Variants in MSRA observed in about 807,000 individuals in gnomAD.
MSRA encodes mitochondrial peptide methionine sulfoxide reductase.
A neutral mutation model predicts 31.3 loss-of-function variants in MSRA; 54 were observed. The ratio of observed to expected loss-of-function variants is 1.73; its 90% CI spans 1.39 to 2.17. The LOEUF (loss-of-function observed/expected upper bound fraction) is 2.17. Among genes scored for constraint, MSRA ranks in the 30% most tolerant of loss-of-function variants. The pLI, the probability that MSRA is intolerant of heterozygous loss-of-function variation, is 0.00. For synonymous variants in MSRA, 169 were observed against 116.5 expected (o/e 1.45, Z -2.90); for missense variants, 507 against 300.9 (o/e 1.69, Z -5.07).
intron 5 of MSRA, among the ~76,000 whole-genome samples, chr8:10,425,421 G>A (rs982812685): frequency 6.6e-5 from 10 of 152,242 alleles, no homozygotes; most frequent in African/African-American, 2.2e-4. Flanking sequence ...GGGTCCCTGG[G>A]CCTGCAGGTG....
chr8:10,369,686 C>A (rs1016100327), intron 5 of MSRA, among the ~76,000 whole-genome samples: 1 of 152,048 alleles, frequency 6.6e-6, no homozygotes, highest in Admixed American at 6.5e-5. Flanking sequence ...ATTATTAATA[C>A]GGGATAGGTA....
chr8:10,092,242 G>C (rs1421684057), intron 1 of MSRA, among the ~76,000 whole-genome samples: 1 of 151,674 alleles, frequency 6.6e-6, no homozygotes, highest in Admixed American at 6.6e-5. Context: ...GGTCTGTATT[G>C]AGTTCTACTT....
chr8:10,092,592 A>G (rs1275816575), intron 1 of MSRA, among the ~76,000 whole-genome samples: 1 of 151,376 alleles, frequency 6.6e-6, no homozygotes, highest in East Asian at 1.9e-4. Context: ...CAGGAAGTGG[A>G]GGTTGCAGTG....
intron 1 of MSRA, among the ~76,000 whole-genome samples, chr8:10,109,137 A>T (rs1800099702): frequency 2.6e-5 from 4 of 152,198 alleles, no homozygotes. Context: ...AGCAAAACAC[A>T]AATTAAGTCC....
chr8:10,126,326 T>C (rs1279588386), intron 1 of MSRA, among the ~76,000 whole-genome samples: 1 of 152,170 alleles, frequency 6.6e-6, no homozygotes, highest in Non-Finnish European at 1.5e-5. Flanking sequence ...AGTAAAATAG[T>C]ACCTGAAATG....
rs187641969 is a variant in MSRA, at chr8:10,404,576, G to C, written c.544-23572G>C. The stretch of plus-strand genomic sequence containing the variant: ...CACCTACGATCTGCCGTCAGCAGCT[G>C]CTTCTGACAGGTGCGCGGGCTCTCC... On this transcript the variant is annotated intron_variant, in intron 5 of 5. Coordinates refer to ENST00000317173, the MANE Select transcript of MSRA (RefSeq NM_012331.5). Among the ~76,000 whole-genome samples, 4 of 152,374 alleles carry C rather than the reference G, an allele frequency of 2.6e-5. No homozygotes were observed. In the East Asian group the frequency reaches 7.7e-4, roughly 29 times the overall value.
chr8:10,224,138 T>C (rs910063997), intron 2 of MSRA, among the ~76,000 whole-genome samples: 1 of 152,240 alleles, frequency 6.6e-6, no homozygotes, highest in African/African-American at 2.4e-5. Context: ...ACATCATAGC[T>C]AGGCCCTTAA....
At chr8:10,385,850 A>G (rs1445123168) in intron 5 of MSRA, among the ~76,000 whole-genome samples, 2 of 152,126 alleles carry the variant, frequency 1.3e-5, no homozygotes, top group Non-Finnish European at 2.9e-5. Context: ...AGGACAGAAT[A>G]GCGCCAGTGT....
At chr8:10,400,848 A>T (rs1807416117) in intron 5 of MSRA, among the ~76,000 whole-genome samples, 1 of 152,226 alleles carries the variant, frequency 6.6e-6, no homozygotes, top group Admixed American at 6.5e-5. Context: ...CTGGATCCTT[A>T]CCTCACACCA....
intron 2 of MSRA, among the ~76,000 whole-genome samples, chr8:10,215,300 G>A (rs564526379): frequency 6.6e-6 from 1 of 152,166 alleles, no homozygotes; most frequent in Admixed American, 6.5e-5. Flanking sequence ...GTTGACTCTA[G>A]ACAAGTTTCT....
chr8:10,109,818 G>A (rs1489012561), intron 1 of MSRA, among the ~76,000 whole-genome samples: 3 of 152,116 alleles, frequency 2.0e-5, no homozygotes, highest in African/African-American at 7.2e-5. Context: ...TTCACAGTTT[G>A]TTGAACTGTT....
chr8:10,092,011 G>A (rs1251724710), intron 1 of MSRA, among the ~76,000 whole-genome samples: 4 of 150,994 alleles, frequency 2.6e-5, no homozygotes, highest in Non-Finnish European at 4.4e-5. Flanking sequence ...TTTTCTCCAC[G>A]TTCTTGTCAA....
chr8:10,076,883 A>G (rs779153418), intron 1 of MSRA, among the ~76,000 whole-genome samples: 3 of 151,952 alleles, frequency 2.0e-5, no homozygotes, highest in Non-Finnish European at 4.4e-5. Context: ...GGGGAAGAGC[A>G]TACACTGGGG....
At chr8:10,120,302 A>G (rs1014156103) in intron 1 of MSRA, among the ~76,000 whole-genome samples, 2 of 152,176 alleles carry the variant, frequency 1.3e-5, no homozygotes, top group Non-Finnish European at 2.9e-5. Context: ...GATTGTACCA[A>G]ATAGGAAGGA....
At chr8:10,079,792 C>A (rs1303417386) in intron 1 of MSRA, among the ~76,000 whole-genome samples, 1 of 152,166 alleles carries the variant, frequency 6.6e-6, no homozygotes, top group Non-Finnish European at 1.5e-5. Context: ...GGTGAGAAGC[C>A]ACTGTGGCCC....
rs1433854620 is a variant in MSRA, at chr8:10,121,164, C to A, written c.142+66506C>A. 3.3e-5 allele frequency among the ~76,000 whole-genome samples: 5 copies of A among 151,986 alleles called. No homozygotes were observed. In the South Asian group the frequency reaches 1.0e-3, roughly 31 times the overall value. On this transcript the variant is annotated intron_variant, in intron 1 of 5. Transcript: ENST00000317173. Reference sequence around the variant, plus strand: ...CAACAATAAGTTTGTCGATGGTAGGCAAAAAATTAAGACTGTACCTTGATG... The same window carrying A: ...CAACAATAAGTTTGTCGATGGTAGGAAAAAAATTAAGACTGTACCTTGATG...
chr8:10,406,384 A>G lies in MSRA; in HGVS notation c.544-21764A>G, dbSNP rs565411359. Among the ~76,000 whole-genome samples, 5 of 152,368 alleles carry G rather than the reference A, an allele frequency of 3.3e-5. 1 individual carries two copies. The highest frequency in any genetic ancestry group is 7.2e-5 in the African/African-American group (3 of 41,590). ...GCTACTTCTACAAGATGATATTGTC[A>G]CTTTCATTTTAGAGATGAGCAAATC... On this transcript the variant is annotated intron_variant, in intron 5 of 5. Transcript: ENST00000317173.
intron 1 of MSRA, among the ~76,000 whole-genome samples, chr8:10,141,191 G>A (rs1217900917): frequency 1.3e-5 from 2 of 152,204 alleles, no homozygotes; most frequent in Non-Finnish European, 2.9e-5. Flanking sequence ...AATGGGAGTG[G>A]ACGTTATACT....
intron 3 of MSRA, among the ~76,000 whole-genome samples, chr8:10,286,303 G>A (rs1157907185): frequency 6.6e-6 from 1 of 152,150 alleles, no homozygotes; most frequent in African/African-American, 2.4e-5. Context: ...CCTGGTGGGA[G>A]GTAATTGAAT....
Sources: gnomAD v4.1 joint callset for allele counts (sites outside exome capture counted in the v4.1 genomes callset) on GRCh38, gnomAD v4.1.1 for gene constraint, MANE v1.5 for transcripts, NCBI Gene and HGNC (gene_info 2026-07-23, HGNC 2026-07-21) for gene names.